RALYL: variants seen among roughly 807,000 people sequenced by gnomAD.
The protein encoded by RALYL is RALY RNA binding protein like.
Under a neutral mutation model 35.1 loss-of-function variants are expected in RALYL, and 29 were observed. That is an observed-to-expected ratio of 0.83 (90% CI 0.61 to 1.13). The LOEUF (loss-of-function observed/expected upper bound fraction) is 1.13. Among genes scored for constraint, RALYL ranks in the 50% most tolerant of loss-of-function variants. RALYL has a pLI of 0.00. For missense variants in RALYL, 359 were observed against 360.4 expected (o/e 1.00, Z 0.03); for synonymous variants, 120 against 127.6 (o/e 0.94, Z 0.40).
chr8:84,495,458 A>G, intron 1 of RALYL, among the ~76,000 whole-genome samples: 1 of 152,068 alleles, frequency 6.6e-6, no homozygotes. Flanking sequence ...TTCTGTTTTA[A>G]TTGTATTTCT....
chr8:84,207,153 A>G (rs1444155143), intron 1 of RALYL, among the ~76,000 whole-genome samples: 3 of 152,122 alleles, frequency 2.0e-5, no homozygotes, highest in Non-Finnish European at 2.9e-5. Flanking sequence ...TGATCCAACA[A>G]TCCCACTTTG....
At chr8:84,902,345 G>A (rs1180066451) in intron 8 of RALYL, among the ~76,000 whole-genome samples, 1 of 152,152 alleles carries the variant, frequency 6.6e-6, no homozygotes, top group Non-Finnish European at 1.5e-5. Flanking sequence ...TCACCATTGT[G>A]AGAACAGCAC....
At chr8:84,310,084 T>C (rs1180425868) in intron 1 of RALYL, among the ~76,000 whole-genome samples, 3 of 152,010 alleles carry the variant, frequency 2.0e-5, no homozygotes, top group Non-Finnish European at 4.4e-5. Context: ...AGTCTCGCTC[T>C]GTCACACAGG....
intron 1 of RALYL, among the ~76,000 whole-genome samples, chr8:84,386,217 CTGTAGTTAG>C (rs919364836): frequency 5.9e-5 from 9 of 151,842 alleles, no homozygotes; most frequent in Admixed American, 3.3e-4. Context: ...AGTGAAGCCT[CTGTAGTTAG>C]CCTTTGCCCT....
At chr8:84,822,476 A>G (rs908315707) in intron 4 of RALYL, among the ~76,000 whole-genome samples, 1 of 152,172 alleles carries the variant, frequency 6.6e-6, no homozygotes, top group African/African-American at 2.4e-5. Context: ...AAGTGCATCA[A>G]TTCAACATTT....
At chr8:84,723,784 C>T (rs947220606) in intron 2 of RALYL, among the ~76,000 whole-genome samples, 1 of 151,824 alleles carries the variant, frequency 6.6e-6, no homozygotes, top group East Asian at 1.9e-4. Flanking sequence ...TTTATTATTG[C>T]AATAGTCTCT....
intron 1 of RALYL, among the ~76,000 whole-genome samples, chr8:84,324,529 C>T (rs532106224): frequency 5.9e-5 from 9 of 151,724 alleles, no homozygotes; most frequent in South Asian, 4.1e-4. Context: ...AGTTTCATTA[C>T]GAGGAATATA....
intron 1 of RALYL, among the ~76,000 whole-genome samples, chr8:84,510,016 G>C (rs951857451): frequency 1.3e-5 from 2 of 152,104 alleles, no homozygotes; most frequent in Non-Finnish European, 2.9e-5. Flanking sequence ...TGTAAAGTTA[G>C]GAATCATTTT....
intron 1 of RALYL, among the ~76,000 whole-genome samples, chr8:84,494,834 G>A (rs999670921): frequency 6.6e-6 from 1 of 151,838 alleles, no homozygotes; most frequent in South Asian, 2.1e-4. Flanking sequence ...AGGATCGTGT[G>A]GTCTGCAGAC....
At chr8:84,524,150 A>T (rs1197083157) in intron 1 of RALYL, among the ~76,000 whole-genome samples, 1 of 152,186 alleles carries the variant, frequency 6.6e-6, no homozygotes, top group East Asian at 1.9e-4. Flanking sequence ...AAAGTGTTCC[A>T]GAGTGAACAG....
In RALYL at chr8:84,853,786, A is replaced by T. The variant is rs905858907; in HGVS notation, c.413+3759A>T. ...AAGATACATAGCTTACAGAGTCACT[A>T]CTAATCCACAGTCATTTCTCATAAG... is the stretch of plus-strand genomic sequence containing the variant. On this transcript the variant is annotated intron_variant, in intron 5 of 8. Coordinates refer to ENST00000521268, the MANE Select transcript of RALYL (RefSeq NM_173848.7). Among the ~76,000 whole-genome samples the T allele has an allele frequency of 5.3e-5, 8 of 152,288 alleles. No individual in the cohort carries two copies. In the East Asian group the frequency reaches 1.4e-3, roughly 26 times the overall value.
chr8:84,469,948 C>T (rs1306366036), intron 1 of RALYL, among the ~76,000 whole-genome samples: 3 of 152,172 alleles, frequency 2.0e-5, no homozygotes, highest in Admixed American at 6.5e-5. Flanking sequence ...CAGGGAACTC[C>T]CTGACCCCTT....
At chr8:84,471,351 A>G (rs1247941569) in intron 1 of RALYL, among the ~76,000 whole-genome samples, 1 of 151,870 alleles carries the variant, frequency 6.6e-6, no homozygotes, top group Non-Finnish European at 1.5e-5. Context: ...GAGATGCCAA[A>G]GTGGGAGGAT....
At chr8:84,920,494 T>G (rs1027164010) in intron 8 of RALYL, among the ~76,000 whole-genome samples, 9 of 152,208 alleles carry the variant, frequency 5.9e-5, no homozygotes, top group Admixed American at 2.0e-4. Flanking sequence ...AGGACAGCAC[T>G]GTTCAAAGCC....
intron 1 of RALYL, among the ~76,000 whole-genome samples, chr8:84,364,719 A>G (rs1853839562): frequency 6.6e-6 from 1 of 152,136 alleles, no homozygotes. Flanking sequence ...AGCATTTTTT[A>G]AAATTTTACA....
intron 2 of RALYL, among the ~76,000 whole-genome samples, chr8:84,544,199 C>T (rs1489190739): frequency 6.6e-6 from 1 of 151,910 alleles, no homozygotes; most frequent in African/African-American, 2.4e-5. Context: ...GATTATTATA[C>T]TTGCTTTTCT....
chr8:84,751,121 C>T (rs1057057588), intron 2 of RALYL, among the ~76,000 whole-genome samples: 3 of 152,146 alleles, frequency 2.0e-5, no homozygotes, highest in Non-Finnish European at 4.4e-5. Context: ...ATGGCTTTAG[C>T]AGGCTCCCTT....
chr8:84,427,216 C>T (rs1216480452), intron 1 of RALYL, among the ~76,000 whole-genome samples: 1 of 152,200 alleles, frequency 6.6e-6, no homozygotes, highest in Non-Finnish European at 1.5e-5. Flanking sequence ...ATGGCATGTA[C>T]CATCATCGTT....
At chr8:84,671,987 C>T (rs1038720275) in intron 2 of RALYL, among the ~76,000 whole-genome samples, 2 of 152,180 alleles carry the variant, frequency 1.3e-5, no homozygotes, top group Non-Finnish European at 2.9e-5. Context: ...GCTCTGCTTC[C>T]CTTTTAAACA....
Sources: allele counts gnomAD v4.1 joint callset (sites outside exome capture counted in the v4.1 genomes callset), GRCh38; gene constraint gnomAD v4.1.1; transcripts MANE v1.5; gene names NCBI Gene and HGNC (gene_info 2026-07-23, HGNC 2026-07-21).